Variants in PSMD7 observed in about 807,000 individuals in gnomAD.
PSMD7 encodes 26S proteasome non-ATPase regulatory subunit 7.
Under a neutral mutation model 36.4 loss-of-function variants are expected in PSMD7, and 13 were observed. The ratio of observed to expected loss-of-function variants is 0.36; its 90% CI spans 0.23 to 0.57. The LOEUF is 0.57. Ranked by LOEUF, PSMD7 falls within the 20% of genes least tolerant of loss-of-function variation. The pLI is 0.83. For synonymous variants in PSMD7, 186 were observed against 151.0 expected (o/e 1.23, Z -1.70); for missense variants, 298 against 393.6 (o/e 0.76, Z 2.06).
rs2034188006 is a variant in PSMD7 at position 74,305,448 on chromosome 16, G to A, written c.690G>A (p.Leu230=). ...TCAACCACCAGATCATCTACCAGCTGCAGGACGTCTTCAACCTGCTGCCAG... is the reference window on the plus strand; with the variant it reads ...TCAACCACCAGATCATCTACCAGCTACAGGACGTCTTCAACCTGCTGCCAG... ...LPINHQIIYQ[L]QDVFNLLPDV... Residue 230 remains leucine, a synonymous_variant, in exon 7 of 7, where the codon CTG becomes CTA. Coordinates refer to ENST00000219313, the MANE Select transcript of PSMD7 (RefSeq NM_002811.5). The A allele has an allele frequency of 3.7e-6, 6 of 1,614,042 alleles. No individual in the cohort carries two copies. Among genetic ancestry groups the A allele is most frequent in the South Asian group, 2.2e-5 (2 of 91,088 alleles).
chr16:74,301,754 C>T, intron 4 of PSMD7, 102 bp downstream of exon 4: 3 of 865,742 alleles, frequency 3.5e-6, no homozygotes, highest in South Asian at 3.0e-5. Flanking sequence ...CTGCTTACTG[C>T]TTTATCTCCA....
chr16:74,301,805 T>C (rs1285262704), intron 4 of PSMD7, among the ~76,000 whole-genome samples, 153 bp downstream of exon 4: 1 of 152,208 alleles, frequency 6.6e-6, no homozygotes, highest in African/African-American at 2.4e-5. Flanking sequence ...AAGTATACTG[T>C]GACCTAATAT....
chr16:74,303,184 C>A (rs961548855), intron 5 of PSMD7, among the ~76,000 whole-genome samples: 1 of 152,138 alleles, frequency 6.6e-6, no homozygotes, highest in African/African-American at 2.4e-5. Flanking sequence ...CCAAGAAATC[C>A]CACAACACTG....
chr16:74,305,827 T>A lies in PSMD7; in HGVS notation c.*94T>A, dbSNP rs1419480362. 1.5e-6 allele frequency: 2 copies of A among 1,343,944 alleles called. No individual in the cohort carries two copies. Among genetic ancestry groups the A allele is most frequent in the Non-Finnish European group, 1.9e-6 (2 of 1,044,618 alleles). 83.3% of individuals were successfully genotyped at this position (1,343,944 alleles called of 1,614,324 possible). On this transcript the variant is annotated 3_prime_UTR_variant, in exon 7 of 7. Transcript: ENST00000219313. ...AGGGTTCTTTTTCACTTGACATGCT[T>A]ATTAGAAAGCTGACCCAACAAGAGC... is the stretch of plus-strand genomic sequence containing the variant.
intron 5 of PSMD7, among the ~76,000 whole-genome samples, chr16:74,303,387 G>T (rs1452883928): frequency 1.3e-5 from 2 of 152,210 alleles, no homozygotes; most frequent in Non-Finnish European, 2.9e-5. Context: ...TAGCCTGGCT[G>T]TGGAGCCTGT....
chr16:74,301,518 G>T (rs752089269), intron 3 of PSMD7, 37 bp from the exon 4 acceptor site: 12 of 1,458,044 alleles, frequency 8.2e-6, no homozygotes, highest in Non-Finnish European at 1.2e-5. Context: ...AGATCTTCAT[G>T]AAATAGTTAA....
intron 1 of PSMD7, chr16:74,299,603 A>C (rs745890684): frequency 1.5e-5 from 7 of 453,728 alleles, no homozygotes; most frequent in South Asian, 1.1e-4. Flanking sequence ...CACGCTGCCC[A>C]TGCTCGTCTC....
At chr16:74,305,260 C>G in intron 6 of PSMD7, 29 bp from the exon 7 acceptor site, 5 of 1,576,356 alleles carry the variant, frequency 3.2e-6, no homozygotes, top group Non-Finnish European at 4.3e-6. Flanking sequence ...ATGCCTTTTC[C>G]TGCCCTTTTT....
rs1431562071 is a variant in PSMD7 at position 74,305,438 on chromosome 16, T to C, written c.680T>C (p.Ile227Thr). The C allele has an allele frequency of 1.2e-6, 2 of 1,614,044 alleles. No homozygotes were observed. The highest frequency in any genetic ancestry group is 2.7e-5 in the African/African-American group (2 of 74,914). ...AAGCTGCCCATCAACCACCAGATCA[T>C]CTACCAGCTGCAGGACGTCTTCAAC... Reference protein sequence around the residue: ...TGKLPINHQIIYQLQDVFNLL... With the variant: ...TGKLPINHQITYQLQDVFNLL... The change falls in exon 7 of 7, where the codon ATC becomes ACC. Residue 227 changes from isoleucine to threonine, a missense_variant. By Grantham distance (89) the Ile-to-Thr change is moderately conservative. Transcript: ENST00000219313.
chr16:74,297,301 G>C (rs1307946387), intron 1 of PSMD7, among the ~76,000 whole-genome samples: 1 of 152,230 alleles, frequency 6.6e-6, no homozygotes, highest in African/African-American at 2.4e-5. Flanking sequence ...GCTGGGGGTC[G>C]GGAGATGCGG....
intron 4 of PSMD7, 120 bp from the exon 5 acceptor site, chr16:74,302,092 A>G (rs2034160319): frequency 2.4e-6 from 2 of 820,834 alleles, no homozygotes; most frequent in African/African-American, 1.7e-5. Flanking sequence ...TTTGCTGAAT[A>G]TTCTGGTTCA....
chr16:74,302,437 A>C, intron 5 of PSMD7, 145 bp downstream of exon 5: 1 of 666,356 alleles, frequency 1.5e-6, no homozygotes. Flanking sequence ...TTTAATCACC[A>C]CATTTTGGAA....
chr16:74,300,347 G>C, intron 2 of PSMD7, 141 bp downstream of exon 2: 1 of 731,950 alleles, frequency 1.4e-6, no homozygotes, highest in South Asian at 1.7e-5. Flanking sequence ...AGAACCTGAA[G>C]ATTGCACACT....
At chr16:74,298,071 T>C (rs2142560896) in intron 1 of PSMD7, among the ~76,000 whole-genome samples, 1 of 149,322 alleles carries the variant, frequency 6.7e-6, no homozygotes, top group South Asian at 2.1e-4. Flanking sequence ...GACGGGAGGA[T>C]CGCTTGAGCC....
At chr16:74,300,408 A>T (rs1268201677) in intron 2 of PSMD7, 1 of 585,794 alleles carries the variant, frequency 1.7e-6, no homozygotes. Context: ...TCTCCACTGC[A>T]CCTGCTCCTC....
chr16:74,304,677 A>G, intron 6 of PSMD7: 1 of 294,344 alleles, frequency 3.4e-6, no homozygotes, highest in East Asian at 7.0e-5. Flanking sequence ...TGACGGGAAG[A>G]GAGGTATGAA....
intron 3 of PSMD7, 148 bp from the exon 4 acceptor site, chr16:74,301,407 C>A: frequency 1.6e-6 from 1 of 643,130 alleles, no homozygotes; most frequent in Non-Finnish European, 2.7e-6. Context: ...AGTCAGTCTT[C>A]CATTAGAGTT....
chr16:74,305,581 C>G lies in PSMD7; in HGVS notation c.823C>G (p.Leu275Val), dbSNP rs2034189510. ...LIRSVVALHN[L>V]INNKIANRDA... ...CCGTTCCGTGGTCGCCCTGCACAACCTCATCAACAACAAGATTGCCAACCG... is the reference window on the plus strand; with the variant it reads ...CCGTTCCGTGGTCGCCCTGCACAACGTCATCAACAACAAGATTGCCAACCG... Residue 275 changes from leucine to valine, a missense_variant, in exon 7 of 7, where the codon CTC becomes GTC. Transcript: ENST00000219313. 1.9e-6 allele frequency: 3 copies of G among 1,605,944 alleles called. No homozygotes were observed. The highest frequency in any genetic ancestry group is 2.6e-6 in the Non-Finnish European group (3 of 1,173,230).
intron 5 of PSMD7, among the ~76,000 whole-genome samples, chr16:74,302,499 A>G (rs2057094621): frequency 6.6e-6 from 1 of 152,204 alleles, no homozygotes; most frequent in Admixed American, 6.5e-5. Context: ...TGGCTCACCC[A>G]GTGCTTTGAG....
Sources: gnomAD v4.1 joint callset for allele counts (sites outside exome capture counted in the v4.1 genomes callset) on GRCh38, gnomAD v4.1.1 for gene constraint, MANE v1.5 for transcripts, NCBI Gene and HGNC (gene_info 2026-07-23, HGNC 2026-07-21) for gene names.